MEF2D: variants seen among roughly 807,000 people sequenced by gnomAD.
MEF2D encodes myocyte-specific enhancer factor 2D.
In MEF2D, 10 loss-of-function variants were observed where a neutral mutation model predicts 59.3. The ratio of observed to expected loss-of-function variants is 0.17; its 90% CI spans 0.10 to 0.29. MEF2D has a LOEUF of 0.29. Among genes scored for constraint, MEF2D ranks in the 10% least tolerant of loss-of-function variants. The pLI, the probability that MEF2D is intolerant of heterozygous loss-of-function variation, is 1.00. For missense variants in MEF2D, 508 were observed against 699.4 expected, an observed-to-expected ratio of 0.73 and a Z score of 3.09; for synonymous variants, 305 against 295.0, an observed-to-expected ratio of 1.03 and a Z score of -0.35.
chr1:156,498,680 T>A (rs960893650), intron 1 of MEF2D, among the ~76,000 whole-genome samples: 2 of 139,610 alleles, frequency 1.4e-5, no homozygotes, highest in Non-Finnish European at 3.1e-5. Flanking sequence ...TATACACACA[T>A]ATGCAAACAT....
intron 4 of MEF2D, chr1:156,480,493 G>T: frequency 1.3e-6 from 1 of 762,002 alleles, no homozygotes; most frequent in Non-Finnish European, 2.0e-6. Flanking sequence ...CAGGGATGCG[G>T]GTTTATCATG....
At chr1:156,497,489 G>C (rs542087664) in intron 1 of MEF2D, among the ~76,000 whole-genome samples, 109 of 152,300 alleles carry the variant, frequency 7.2e-4, no homozygotes, top group Non-Finnish European at 1.3e-3. Flanking sequence ...TGGGTTCCAG[G>C]CTCACATCGG....
Position 156,468,917 on chromosome 1 carries a change from G to GGGCTGCTGT in MEF2D, c.1101_1109dup (p.Gln375_Gln377dup), listed in dbSNP as rs1671052509. 1 of 1,613,332 alleles carries GGGCTGCTGT rather than the reference G, an allele frequency of 6.2e-7. No homozygotes were observed. Among genetic ancestry groups the GGGCTGCTGT allele is most frequent in the Admixed American group, 1.7e-5 (1 of 59,962 alleles). Reference sequence around the variant, plus strand: ...GAGGCTGTGGCTGCTGCGGCTGCTGGGGCTGCTGTGGCTGTTGCCAGGCAG... The same window carrying GGGCTGCTGT: ...GAGGCTGTGGCTGCTGCGGCTGCTGGGGCTGCTGTGGCTGCTGTGGCTGTTGCCAGGCAG... On this transcript the variant is annotated inframe_insertion, in exon 10 of 12. Transcript: ENST00000348159. This position sits in a 1 kb window ranked among gnomAD's most constrained non-coding sequence, Gnocchi z 4.3.
chr1:156,470,535 T>G (rs1021620043), intron 9 of MEF2D, among the ~76,000 whole-genome samples: 5 of 152,156 alleles, frequency 3.3e-5, no homozygotes, highest in African/African-American at 7.2e-5. Flanking sequence ...ACCCCACCAG[T>G]ATGCTATTAC....
At chr1:156,484,327 C>A (rs541663038) in intron 1 of MEF2D, 8 of 152,346 alleles carry the variant, frequency 5.3e-5, no homozygotes, top group East Asian at 3.9e-4. Flanking sequence ...GCTTTGCAGA[C>A]CATACAGTCT....
At chr1:156,494,703 G>C (rs1557897643) in intron 1 of MEF2D, among the ~76,000 whole-genome samples, 1 of 152,198 alleles carries the variant, frequency 6.6e-6, no homozygotes, top group Non-Finnish European at 1.5e-5. Flanking sequence ...TTTTTCTGGC[G>C]GAAACTCCTT....
intron 9 of MEF2D, among the ~76,000 whole-genome samples, chr1:156,474,430 CAA>C (rs1671434492): frequency 6.6e-6 from 1 of 152,112 alleles, no homozygotes; most frequent in Non-Finnish European, 1.5e-5. Context: ...ACCTAGGTGA[CAA>C]GAGTGAGACT....
At chr1:156,486,952 C>T (rs905802932) in intron 1 of MEF2D, among the ~76,000 whole-genome samples, 1 of 152,220 alleles carries the variant, frequency 6.6e-6, no homozygotes, top group African/African-American at 2.4e-5. Flanking sequence ...AGCTAGAACC[C>T]TTGCTCTCCC....
rs1671023016 is a variant in MEF2D, at chr1:156,468,622, G to T, written c.1247+158C>A. On this transcript the variant is annotated intron_variant, in intron 10 of 11. Coordinates refer to ENST00000348159, the MANE Select transcript of MEF2D (RefSeq NM_005920.4). This position sits in a 1 kb window ranked among gnomAD's most constrained non-coding sequence, Gnocchi z 4.3. ...GAGCCTCTTGGGTCTGTACAAGAGA[G>T]CCCAGGGGTGCCACTGTTGCCTAAC... Among the ~76,000 whole-genome samples, 1 of 152,150 alleles carries T rather than the reference G, an allele frequency of 6.6e-6. No individual in the cohort carries two copies. The highest frequency in any genetic ancestry group is 2.1e-4 in the South Asian group (1 of 4,828).
chr1:156,477,463 T>C lies in MEF2D; in HGVS notation c.665-261A>G, dbSNP rs1350051514. Among the ~76,000 whole-genome samples, 3 of 152,216 alleles carry C rather than the reference T, an allele frequency of 2.0e-5. No homozygotes were observed. The East Asian group carries it at 5.8e-4, about 29-fold the overall frequency. On this transcript the variant is annotated intron_variant, in intron 6 of 11. Transcript: ENST00000348159. ...GTGATAGGGCTTGGTGATGGGACTC[T>C]GAAGTCAGTGGGAAGAACTGGAAAG...
intron 9 of MEF2D, 121 bp from the exon 10 acceptor site, chr1:156,469,141 T>A: frequency 7.5e-7 from 1 of 1,334,864 alleles, no homozygotes; most frequent in Non-Finnish European, 1.0e-6. Flanking sequence ...ATGACAGATG[T>A]AAGGAATTCA....
chr1:156,477,387 T>C (rs980813217), intron 6 of MEF2D, among the ~76,000 whole-genome samples, 185 bp from the exon 7 acceptor site: 1 of 152,290 alleles, frequency 6.6e-6, no homozygotes, highest in South Asian at 2.1e-4. Flanking sequence ...GGGAGGCAAG[T>C]ACCCCTTACT....
At position 156,468,997 on chromosome 1, in the gene MEF2D, G is replaced by T. The variant is rs1222704456; in HGVS notation, c.1030C>A (p.Leu344Ile). 6.2e-7 allele frequency: 1 copy of T among 1,603,476 alleles called. No homozygotes were observed. Among genetic ancestry groups the T allele is most frequent in the Non-Finnish European group, 8.5e-7 (1 of 1,171,278 alleles). Residue 344 changes from leucine to isoleucine, a missense_variant, in exon 10 of 12, where the codon CTC becomes ATC. By Grantham distance (5) the Leu-to-Ile change is conservative. Around this residue, in one of 2 missense-constraint regions of MEF2D, gnomAD observed 481 missense variants for 584.7 expected, o/e 0.82. Transcript: ENST00000348159. The surrounding 1 kb of genome is among the most constrained non-coding windows in gnomAD (Gnocchi z 4.3). ...GAACTAAAGGCTGGTAAGGAGGAGA[G>T]CTCTGCACTGGTCAACTGGTAATCT... ...NTDYQLTSAE[L>I]SSLPAFSSPG... is the part of the protein sequence containing the mutation.
intron 1 of MEF2D, among the ~76,000 whole-genome samples, chr1:156,488,892 C>T (rs142499531): frequency 6.6e-6 from 1 of 152,134 alleles, no homozygotes; most frequent in African/African-American, 2.4e-5. Context: ...CAGCCTCTAT[C>T]CTCTCTTTCT....
chr1:156,478,533 AT>A (rs1211544656), intron 6 of MEF2D, among the ~76,000 whole-genome samples: 1 of 151,924 alleles, frequency 6.6e-6, no homozygotes, highest in Non-Finnish European at 1.5e-5. Flanking sequence ...TCTGTGGCTT[AT>A]TTTTTTATTT....
intron 9 of MEF2D, among the ~76,000 whole-genome samples, chr1:156,473,104 G>C (rs1343056442): frequency 6.6e-6 from 1 of 151,746 alleles, no homozygotes; most frequent in Non-Finnish European, 1.5e-5. Context: ...GGCAACCTCT[G>C]CCTCCCGGAT....
At chr1:156,479,949 G>T (rs1313538500) in intron 4 of MEF2D, among the ~76,000 whole-genome samples, 153 bp from the exon 5 acceptor site, 3 of 152,098 alleles carry the variant, frequency 2.0e-5, no homozygotes, top group African/African-American at 7.2e-5. Context: ...CCCTTGTGGA[G>T]TCCTGCCTGC....
At chr1:156,478,336 C>T (rs529160905) in intron 6 of MEF2D, among the ~76,000 whole-genome samples, 1 of 152,204 alleles carries the variant, frequency 6.6e-6, no homozygotes, top group South Asian at 2.1e-4. Context: ...TTGCTCTGTC[C>T]CCTAAGAGCA....
At position 156,463,815 on chromosome 1, in the gene MEF2D, T is replaced by C. The variant is rs1309275337; in HGVS notation, c.*3830A>G. On this transcript the variant is annotated 3_prime_UTR_variant, in exon 12 of 12. Transcript: ENST00000348159. ...AGTTTTCAAACAAAACTCATAAGAA[T>C]CTCGAGGACTTTGTCTTTTCTTATT... 3 of 152,598 alleles carry C rather than the reference T, an allele frequency of 2.0e-5. No homozygotes were observed. Among genetic ancestry groups the C allele is most frequent in the Non-Finnish European group, 4.4e-5 (3 of 68,034 alleles). The allele number at this position is 152,598 out of a possible 1,614,324, so 9.5% of individuals were successfully genotyped here.
Sources: gnomAD v4.1 joint callset for allele counts (sites outside exome capture counted in the v4.1 genomes callset) on GRCh38, gnomAD v4.1.1 for gene constraint, gnomAD v4.1.1 regional missense constraint, Gnocchi (gnomAD v3.1) non-coding constraint, MANE v1.5 for transcripts, NCBI Gene and HGNC (gene_info 2026-07-23, HGNC 2026-07-21) for gene names.